Variants in MYO3B observed in about 807,000 individuals in gnomAD.
MYO3B encodes the protein myosin IIIB, also known as myosin-IIIb.
A neutral mutation model predicts 174.6 loss-of-function variants in MYO3B; 156 were observed. The observed-to-expected ratio is 0.89, with a 90% CI of 0.78 to 1.02. The LOEUF (loss-of-function observed/expected upper bound fraction) is 1.02. Among genes scored for constraint, MYO3B ranks in the 50% least tolerant of loss-of-function variants. The probability of loss-of-function intolerance (pLI) is 0.00; values close to 1 mark genes in which losing one functional copy is unlikely to be tolerated. For missense variants in MYO3B, 1,632 were observed against 1,639.4 expected (o/e 1.00, Z 0.08); for synonymous variants, 563 against 569.1 (o/e 0.99, Z 0.15).
chr2:170,550,006 A>G (rs530620371), intron 32 of MYO3B, among the ~76,000 whole-genome samples: 3 of 152,312 alleles, frequency 2.0e-5, no homozygotes, highest in Admixed American at 6.5e-5. Flanking sequence ...GAAATCAGAC[A>G]CTAAACAAAG....
At chr2:170,575,733 T>C (rs1239526994) in intron 32 of MYO3B, among the ~76,000 whole-genome samples, 1 of 152,206 alleles carries the variant, frequency 6.6e-6, no homozygotes, top group African/African-American at 2.4e-5. Flanking sequence ...ACTTTCTTCC[T>C]TAATACTTAC....
intron 7 of MYO3B, among the ~76,000 whole-genome samples, chr2:170,291,645 G>A (rs1247765080): frequency 6.6e-6 from 1 of 151,762 alleles, no homozygotes; most frequent in African/African-American, 2.4e-5. Flanking sequence ...TATTTGCCTG[G>A]GAAAGATTTT....
intron 7 of MYO3B, among the ~76,000 whole-genome samples, chr2:170,304,786 C>T (rs1204596391): frequency 6.6e-6 from 1 of 151,952 alleles, no homozygotes; most frequent in African/African-American, 2.4e-5. Flanking sequence ...CATTTTTCTA[C>T]TGGGGCTTTT....
chr2:170,435,825 C>G (rs569931554), intron 22 of MYO3B, among the ~76,000 whole-genome samples: 2 of 152,262 alleles, frequency 1.3e-5, no homozygotes, highest in African/African-American at 4.8e-5. Context: ...AGCTACAAGT[C>G]CTATAAACCC....
chr2:170,436,464 A>G (rs991999380), intron 22 of MYO3B, among the ~76,000 whole-genome samples: 1 of 152,134 alleles, frequency 6.6e-6, no homozygotes, highest in African/African-American at 2.4e-5. Flanking sequence ...CTGGATTACG[A>G]CTTTGATGTC....
At chr2:170,257,116 A>G (rs1447368066) in intron 7 of MYO3B, among the ~76,000 whole-genome samples, 1 of 152,212 alleles carries the variant, frequency 6.6e-6, no homozygotes, top group African/African-American at 2.4e-5. Flanking sequence ...GTACTTCTAA[A>G]TGTATGAAAA....
At position 170,514,925 on chromosome 2, in the gene MYO3B, C is replaced by T; in HGVS notation, c.3375C>T (p.Asp1125=). The T allele has an allele frequency of 6.2e-7, 1 of 1,613,366 alleles. No homozygotes were observed. Among genetic ancestry groups the T allele is most frequent in the Non-Finnish European group, 8.5e-7 (1 of 1,179,640 alleles). ...TCTTTTTGTTTCATTCCACAGGGGA[C>T]ACTTCAAACCAAAGCAGTGGGCCAC... The part of the protein sequence containing the change: ...NESAAHNQAG[D]TSNQSSGPHS... The change falls in exon 29 of 35, where the codon GAC becomes GAT. Residue 1125 remains aspartate, a synonymous_variant. Coordinates refer to ENST00000408978, the MANE Select transcript of MYO3B (RefSeq NM_138995.5).
chr2:170,484,387 GA>G (rs1222958122), intron 25 of MYO3B, among the ~76,000 whole-genome samples: 2 of 152,014 alleles, frequency 1.3e-5, no homozygotes, highest in African/African-American at 4.8e-5. Flanking sequence ...AGTTCAATCA[GA>G]AAAAAATGCA....
At chr2:170,187,916 T>C (rs1057367587) in intron 1 of MYO3B, among the ~76,000 whole-genome samples, 1 of 152,228 alleles carries the variant, frequency 6.6e-6, no homozygotes, top group Non-Finnish European at 1.5e-5. Context: ...GAGTGATATA[T>C]GTGCTGGGGA....
intron 21 of MYO3B, among the ~76,000 whole-genome samples, 170 bp from the exon 22 acceptor site, chr2:170,407,545 T>G (rs2094518045): frequency 7.3e-6 from 1 of 137,810 alleles, no homozygotes; most frequent in Non-Finnish European, 1.6e-5. Flanking sequence ...TAAGATAAAC[T>G]GGTCTGTCAA....
chr2:170,492,427 G>A (rs1686553210), intron 25 of MYO3B, among the ~76,000 whole-genome samples: 1 of 152,192 alleles, frequency 6.6e-6, no homozygotes, highest in African/African-American at 2.4e-5. Context: ...TCGACATGTG[G>A]TAGTAGAGTC....
intron 7 of MYO3B, among the ~76,000 whole-genome samples, chr2:170,270,589 T>G (rs1477274670): frequency 6.6e-6 from 1 of 152,202 alleles, no homozygotes; most frequent in Non-Finnish European, 1.5e-5. Flanking sequence ...AACAGTAGTA[T>G]CCACCAACAT....
chr2:170,267,328 C>A (rs781416543), intron 7 of MYO3B, among the ~76,000 whole-genome samples: 2 of 152,174 alleles, frequency 1.3e-5, no homozygotes, highest in Non-Finnish European at 2.9e-5. Context: ...ACAAGAGTGG[C>A]TTCCATTCCT....
chr2:170,231,560 C>T (rs976429178), intron 6 of MYO3B, among the ~76,000 whole-genome samples: 1 of 152,146 alleles, frequency 6.6e-6, no homozygotes, highest in African/African-American at 2.4e-5. Flanking sequence ...CCAGAAGAGC[C>T]GTAAGTTTGC....
intron 7 of MYO3B, among the ~76,000 whole-genome samples, chr2:170,260,134 T>C (rs1351730432): frequency 6.6e-6 from 1 of 152,218 alleles, no homozygotes; most frequent in Non-Finnish European, 1.5e-5. Flanking sequence ...GTAAATTAGT[T>C]AAGCAGTGGA....
intron 32 of MYO3B, among the ~76,000 whole-genome samples, chr2:170,615,876 T>C (rs1695433695): frequency 6.6e-6 from 1 of 152,156 alleles, no homozygotes; most frequent in Non-Finnish European, 1.5e-5. Flanking sequence ...GTGAGGGATT[T>C]AGGGTCATTT....
At chr2:170,307,727 C>T (rs893463927) in intron 7 of MYO3B, among the ~76,000 whole-genome samples, 1 of 152,220 alleles carries the variant, frequency 6.6e-6, no homozygotes, top group East Asian at 1.9e-4. Context: ...TCTTGCAGAG[C>T]AGGGTCACCC....
intron 8 of MYO3B, among the ~76,000 whole-genome samples, chr2:170,342,927 G>A (rs148668980): frequency 3.9e-5 from 6 of 152,008 alleles, no homozygotes; most frequent in Admixed American, 2.0e-4. Flanking sequence ...TTTGAAAGTG[G>A]CAATGACTTT....
Position 170,542,967 on chromosome 2 carries a change from G to A in MYO3B, c.3636+1G>A, listed in dbSNP as rs753204369. 1.9e-6 allele frequency: 3 copies of A among 1,606,820 alleles called. No individual in the cohort carries two copies. Among genetic ancestry groups the A allele is most frequent in the Admixed American group, 3.4e-5 (2 of 59,630 alleles). On this transcript the variant is annotated splice_donor_variant, in intron 31 of 34. Transcript: ENST00000408978. LOFTEE classifies it high-confidence loss of function. ...TATCTTCGCAGGACATGCAAACAAG[G>A]TAGCTGGATATCTTGATTCCAAAGT...
Sources: gnomAD v4.1 joint callset for allele counts (sites outside exome capture counted in the v4.1 genomes callset) on GRCh38, gnomAD v4.1.1 for gene constraint, MANE v1.5 for transcripts, NCBI Gene and HGNC (gene_info 2026-07-23, HGNC 2026-07-21) for gene names.